CHRM3: variants seen among roughly 807,000 people sequenced by gnomAD.
CHRM3 encodes the protein cholinergic receptor muscarinic 3.
Under a neutral mutation model 41.8 loss-of-function variants are expected in CHRM3, and 11 were observed. The observed-to-expected ratio is 0.26, with a 90% CI of 0.17 to 0.44. CHRM3 has a LOEUF of 0.44. Ranked by LOEUF, CHRM3 falls within the 20% of genes least tolerant of loss-of-function variation. The probability of loss-of-function intolerance (pLI) is 1.00; values close to 1 mark genes in which losing one functional copy is unlikely to be tolerated. For synonymous variants in CHRM3, 297 were observed against 301.4 expected, an observed-to-expected ratio of 0.99 and a Z score of 0.15; for missense variants, 571 against 745.4, an observed-to-expected ratio of 0.77 and a Z score of 2.72.
chr1:239,558,120 A>G (rs1478830837), intron 3 of CHRM3, among the ~76,000 whole-genome samples: 4 of 152,144 alleles, frequency 2.6e-5, no homozygotes, highest in Non-Finnish European at 5.9e-5. Context: ...AAGCATTCCT[A>G]TTTCTCTGCA....
chr1:239,445,998 C>T (rs1208332051), intron 1 of CHRM3, among the ~76,000 whole-genome samples: 3 of 151,812 alleles, frequency 2.0e-5, no homozygotes, highest in Non-Finnish European at 4.4e-5. Context: ...AGTGCAGTCA[C>T]GCAATCTCGG....
chr1:239,784,410 T>G (rs1420168421), intron 5 of CHRM3, among the ~76,000 whole-genome samples: 3 of 152,238 alleles, frequency 2.0e-5, no homozygotes, highest in African/African-American at 7.2e-5. Flanking sequence ...ACTCCTTTTC[T>G]ATTTTTATTT....
chr1:239,753,321 A>G (rs886627973), intron 5 of CHRM3, among the ~76,000 whole-genome samples: 2 of 152,158 alleles, frequency 1.3e-5, no homozygotes, highest in African/African-American at 4.8e-5. Context: ...GCTATAAAGA[A>G]CTACCCAAGA....
intron 6 of CHRM3, among the ~76,000 whole-genome samples, chr1:239,841,349 T>TG (rs1673781289): frequency 6.6e-6 from 1 of 152,108 alleles, no homozygotes; most frequent in African/African-American, 2.4e-5. Flanking sequence ...TGGGATTTGG[T>TG]GGGGCATGTT....
intron 3 of CHRM3, among the ~76,000 whole-genome samples, chr1:239,623,220 G>A (rs1317498371): frequency 4.7e-5 from 7 of 149,586 alleles, no homozygotes; most frequent in South Asian, 2.1e-4. Flanking sequence ...CCCTTAAATC[G>A]TCATTTACAT....
chr1:239,792,518 A>G (rs1269467099), intron 5 of CHRM3, among the ~76,000 whole-genome samples: 2 of 152,244 alleles, frequency 1.3e-5, no homozygotes, highest in Non-Finnish European at 2.9e-5. Context: ...GCAACTTTCA[A>G]TATGAACATG....
intron 5 of CHRM3, among the ~76,000 whole-genome samples, chr1:239,721,224 T>G (rs544950969): frequency 1.6e-3 from 238 of 151,926 alleles, no homozygotes; most frequent in Non-Finnish European, 3.2e-3. Context: ...ATTCTGTGAG[T>G]GAAATTCTCT....
chr1:239,414,397 A>G (rs997701482), intron 1 of CHRM3, among the ~76,000 whole-genome samples: 1 of 152,226 alleles, frequency 6.6e-6, no homozygotes, highest in South Asian at 2.1e-4. Context: ...TTGAATATTC[A>G]TTTAGGTTGT....
intron 6 of CHRM3, among the ~76,000 whole-genome samples, chr1:239,900,447 G>A (rs549431502): frequency 8.2e-4 from 120 of 146,454 alleles, no homozygotes; most frequent in East Asian, 1.0e-3. Context: ...CCTGGGTACC[G>A]ATAGGACCTC....
At chr1:239,555,358 C>T (rs577476587) in intron 3 of CHRM3, among the ~76,000 whole-genome samples, 15 of 152,176 alleles carry the variant, frequency 9.9e-5, no homozygotes, top group Non-Finnish European at 2.1e-4. Flanking sequence ...TGTGGAACTA[C>T]AGTCATTGAT....
chr1:239,632,400 T>G (rs1184791988), intron 4 of CHRM3, 114 bp downstream of exon 4: 1 of 152,238 alleles, frequency 6.6e-6, no homozygotes, highest in African/African-American at 2.4e-5. Flanking sequence ...TTCAACATGA[T>G]GTACAATTGT....
chr1:239,906,132 T>A (rs973797218), intron 6 of CHRM3, among the ~76,000 whole-genome samples: 2 of 152,196 alleles, frequency 1.3e-5, no homozygotes, highest in Non-Finnish European at 2.9e-5. Context: ...CTAGGCCTTT[T>A]GACCCCATAG....
intron 5 of CHRM3, among the ~76,000 whole-genome samples, chr1:239,815,374 C>T (rs1267967368): frequency 6.6e-6 from 1 of 152,248 alleles, no homozygotes; most frequent in Admixed American, 6.5e-5. Flanking sequence ...GAGTTTTTCT[C>T]TTGCATTTTT....
chr1:239,633,843 T>C, intron 4 of CHRM3, among the ~76,000 whole-genome samples: 1 of 150,908 alleles, frequency 6.6e-6, no homozygotes, highest in Non-Finnish European at 1.5e-5. Flanking sequence ...ATGAGACACA[T>C]ACAGTCCCTA....
intron 6 of CHRM3, among the ~76,000 whole-genome samples, chr1:239,899,126 G>A (rs1435993559): frequency 1.3e-5 from 2 of 151,960 alleles, no homozygotes; most frequent in Admixed American, 1.3e-4. Context: ...AATTTTATAC[G>A]TGTGTGTATG....
chr1:239,724,866 G>T (rs942458196), intron 5 of CHRM3, among the ~76,000 whole-genome samples: 1 of 151,498 alleles, frequency 6.6e-6, no homozygotes, highest in African/African-American at 2.4e-5. Context: ...ATCTAAATAT[G>T]GTCTTGAACT....
At chr1:239,396,793 T>C (rs377117167) in intron 1 of CHRM3, among the ~76,000 whole-genome samples, 28 of 152,334 alleles carry the variant, frequency 1.8e-4, no homozygotes, top group African/African-American at 5.8e-4. Context: ...CTGATATTTT[T>C]CTATACATAT....
At chr1:239,839,801 G>T (rs910872098) in intron 6 of CHRM3, among the ~76,000 whole-genome samples, 81 of 128,314 alleles carry the variant, frequency 6.3e-4, no homozygotes, top group Non-Finnish European at 1.0e-3. Context: ...GTGGCGGGGC[G>T]GGGGGGGAGC....
intron 1 of CHRM3, among the ~76,000 whole-genome samples, chr1:239,470,004 G>A (rs145995206): frequency 6.6e-6 from 1 of 152,282 alleles, no homozygotes; most frequent in African/African-American, 2.4e-5. Flanking sequence ...CCTACCCACT[G>A]AGCCTTGTCT....
Sources: allele counts gnomAD v4.1 joint callset (sites outside exome capture counted in the v4.1 genomes callset), GRCh38; gene constraint gnomAD v4.1.1; transcripts MANE v1.5; gene names NCBI Gene and HGNC (gene_info 2026-07-23, HGNC 2026-07-21).